Variants in TMEM132D observed in about 807,000 individuals in gnomAD.
The protein encoded by TMEM132D is transmembrane protein 132D.
A neutral mutation model predicts 62.3 loss-of-function variants in TMEM132D; 21 were observed. The ratio of observed to expected loss-of-function variants is 0.34; its 90% CI spans 0.24 to 0.49. TMEM132D has a LOEUF of 0.49. TMEM132D is among the 20% of genes least tolerant of loss of function. TMEM132D has a pLI of 0.99. For missense variants in TMEM132D, 1,346 were observed against 1,402.8 expected, an observed-to-expected ratio of 0.96 and a Z score of 0.65; for synonymous variants, 621 against 575.6, an observed-to-expected ratio of 1.08 and a Z score of -1.13.
chr12:129,819,228 C>CCA (rs1344569494), intron 1 of TMEM132D, among the ~76,000 whole-genome samples: 20 of 151,622 alleles, frequency 1.3e-4, no homozygotes, highest in Non-Finnish European at 2.7e-4. Context: ...CTTCTACCTA[C>CCA]CCCACAGTGC....
In TMEM132D at chr12:129,074,659, C is replaced by T. The variant is rs1228280465; in HGVS notation, c.2516G>A (p.Gly839Glu). The change falls in exon 9 of 9, where the codon GGA becomes GAA. Residue 839 changes from glycine to glutamate, a missense_variant. Transcript: ENST00000422113. Reference protein sequence around the residue: ...KPSQEWGSQEGQYYGSSSMGL... With the variant: ...KPSQEWGSQEEQYYGSSSMGL... ...CATAGAAGAACTGCCATAGTACTGT[C>T]CTTCCTGACTCCCCCATTCCTGCGA... The T allele has an allele frequency of 6.2e-7, 1 of 1,614,124 alleles. No individual in the cohort carries two copies.
At chr12:129,608,612 G>A (rs1302094548) in intron 2 of TMEM132D, among the ~76,000 whole-genome samples, 4 of 152,088 alleles carry the variant, frequency 2.6e-5, no homozygotes, top group East Asian at 1.9e-4. Flanking sequence ...AAATCATGTC[G>A]CGTTTACAGC....
rs376385372 is a variant in TMEM132D, at chr12:129,575,167, C to T, written c.969-43962G>A. On this transcript the variant is annotated intron_variant, in intron 2 of 8. Coordinates refer to ENST00000422113, the MANE Select transcript of TMEM132D (RefSeq NM_133448.3). The stretch of plus-strand genomic sequence containing the variant: ...TTTCTTATGATTTTCCGAGCGTTCT[C>T]TTTTCTCTAGCTTACTTGATTCTAA... Among the ~76,000 whole-genome samples the T allele has an allele frequency of 9.2e-5, 14 of 151,950 alleles. No homozygotes were observed. The East Asian group carries it at 2.5e-3, about 27-fold the overall frequency.
intron 2 of TMEM132D, among the ~76,000 whole-genome samples, chr12:129,582,373 C>G (rs954883178): frequency 6.6e-6 from 1 of 152,152 alleles, no homozygotes; most frequent in African/African-American, 2.4e-5. Flanking sequence ...GTACTTACCC[C>G]CCAGAGATGG....
chr12:129,677,541 C>A (rs765507919), intron 2 of TMEM132D, among the ~76,000 whole-genome samples: 1 of 152,206 alleles, frequency 6.6e-6, no homozygotes, highest in Non-Finnish European at 1.5e-5. Context: ...TGGTAAGTGA[C>A]AACTGACTTG....
chr12:129,207,111 G>C (rs1878871638), intron 5 of TMEM132D, among the ~76,000 whole-genome samples: 2 of 151,998 alleles, frequency 1.3e-5, no homozygotes, highest in Admixed American at 1.3e-4. Flanking sequence ...TGAAATAAAA[G>C]TTAAAAACAC....
intron 4 of TMEM132D, among the ~76,000 whole-genome samples, chr12:129,213,632 G>A (rs952031637): frequency 6.6e-6 from 1 of 152,198 alleles, no homozygotes; most frequent in East Asian, 1.9e-4. Flanking sequence ...TGTGGAGGAG[G>A]GCGAAGGGAG....
chr12:129,850,885 T>A (rs974759319), intron 1 of TMEM132D, among the ~76,000 whole-genome samples: 2 of 152,218 alleles, frequency 1.3e-5, no homozygotes, highest in Non-Finnish European at 2.9e-5. Flanking sequence ...AGAAATTAGA[T>A]TCTTTTGAAA....
At chr12:129,255,173 C>T (rs1377600877) in intron 4 of TMEM132D, among the ~76,000 whole-genome samples, 1 of 152,166 alleles carries the variant, frequency 6.6e-6, no homozygotes, top group South Asian at 2.1e-4. Flanking sequence ...CCTGGGGTCT[C>T]CCCAGAAACA....
At chr12:129,871,362 A>G (rs1279934484) in intron 1 of TMEM132D, among the ~76,000 whole-genome samples, 4 of 152,080 alleles carry the variant, frequency 2.6e-5, no homozygotes, top group Admixed American at 2.6e-4. Flanking sequence ...ATCAACACAA[A>G]ATAAAATAAG....
At chr12:129,153,538 C>T (rs1385224746) in intron 5 of TMEM132D, among the ~76,000 whole-genome samples, 1 of 152,124 alleles carries the variant, frequency 6.6e-6, no homozygotes, top group Non-Finnish European at 1.5e-5. Flanking sequence ...TTATTTCTAC[C>T]TACAGCGTTT....
chr12:129,568,500 C>A (rs189638890), intron 2 of TMEM132D, among the ~76,000 whole-genome samples: 7 of 152,282 alleles, frequency 4.6e-5, no homozygotes, highest in Admixed American at 3.9e-4. Context: ...TTTATTATAT[C>A]AACAGCATTA....
intron 1 of TMEM132D, among the ~76,000 whole-genome samples, chr12:129,702,916 C>T (rs561128561): frequency 8.5e-5 from 13 of 152,300 alleles, no homozygotes; most frequent in African/African-American, 2.9e-4. Context: ...TCACTGTAAT[C>T]GGAATCCTGG....
chr12:129,607,407 G>T (rs1234926080), intron 2 of TMEM132D, among the ~76,000 whole-genome samples: 1 of 152,134 alleles, frequency 6.6e-6, no homozygotes, highest in African/African-American at 2.4e-5. Flanking sequence ...TCCTACGAAG[G>T]GTTGCTCCCA....
At chr12:129,540,875 C>G (rs1876565706) in intron 2 of TMEM132D, among the ~76,000 whole-genome samples, 1 of 152,220 alleles carries the variant, frequency 6.6e-6, no homozygotes, top group African/African-American at 2.4e-5. Context: ...TCAAGCAACC[C>G]TCCTGCCTTG....
intron 5 of TMEM132D, among the ~76,000 whole-genome samples, chr12:129,202,957 G>C (rs1878748489): frequency 6.6e-6 from 1 of 152,188 alleles, no homozygotes; most frequent in East Asian, 1.9e-4. Context: ...AATGTTTGCT[G>C]ACAGCAAACA....
At chr12:129,836,012 G>A (rs146348977) in intron 1 of TMEM132D, among the ~76,000 whole-genome samples, 1 of 152,326 alleles carries the variant, frequency 6.6e-6, no homozygotes, top group African/African-American at 2.4e-5. Flanking sequence ...TAACTGAAAT[G>A]AGAAATACAA....
At chr12:129,667,447 T>C (rs1427421036) in intron 2 of TMEM132D, among the ~76,000 whole-genome samples, 1 of 152,162 alleles carries the variant, frequency 6.6e-6, no homozygotes, top group Non-Finnish European at 1.5e-5. Context: ...CTATCTTTCT[T>C]GGGTCTCGTT....
intron 2 of TMEM132D, among the ~76,000 whole-genome samples, chr12:129,634,872 A>G (rs763625325): frequency 3.9e-5 from 6 of 152,168 alleles, no homozygotes; most frequent in Non-Finnish European, 7.3e-5. Context: ...ATTCTAAGCT[A>G]CTATTCTCTG....
Sources: allele counts gnomAD v4.1 joint callset (sites outside exome capture counted in the v4.1 genomes callset), GRCh38; gene constraint gnomAD v4.1.1; transcripts MANE v1.5; gene names NCBI Gene and HGNC (gene_info 2026-07-23, HGNC 2026-07-21).